Variants in FRY observed in about 807,000 individuals in gnomAD.
FRY encodes FRY microtubule binding protein.
A neutral mutation model predicts 348.4 loss-of-function variants in FRY; 128 were observed. That is an observed-to-expected ratio of 0.37 (90% CI 0.32 to 0.43). The LOEUF (loss-of-function observed/expected upper bound fraction) is 0.43. Ranked by LOEUF, FRY falls within the 20% of genes least tolerant of loss-of-function variation. FRY has a pLI of 1.00. For missense variants in FRY, 2,736 were observed against 3,695.2 expected, an observed-to-expected ratio of 0.74 and a Z score of 6.73; for synonymous variants, 1,370 against 1,374.7, an observed-to-expected ratio of 1.00 and a Z score of 0.08.
chr13:32,259,061 T>A (rs1887490048), intron 51 of FRY, among the ~76,000 whole-genome samples: 1 of 152,244 alleles, frequency 6.6e-6, no homozygotes, highest in South Asian at 2.1e-4. Flanking sequence ...GGTTTTTAAG[T>A]TTGAACTGAC....
intron 1 of FRY, among the ~76,000 whole-genome samples, chr13:32,056,540 C>A (rs898335935): frequency 3.9e-5 from 6 of 152,186 alleles, no homozygotes; most frequent in African/African-American, 1.2e-4. Context: ...GGGTTCCCTG[C>A]CCTTATTATG....
rs1441688408 is a variant in FRY at position 32,297,018 on chromosome 13, G to C, written c.*1558G>C. 6.6e-6 allele frequency: 1 copy of C among 152,162 alleles called. No individual in the cohort carries two copies. The highest frequency in any genetic ancestry group is 1.5e-5 in the Non-Finnish European group (1 of 68,030). 9.4% of individuals were successfully genotyped at this position (152,162 alleles called of 1,614,324 possible). ...TTCTGTCACCAACACCTATCCCCCAGGAACACAGGGAGAAACATGTAACAA... is the reference window on the plus strand; with the variant it reads ...TTCTGTCACCAACACCTATCCCCCACGAACACAGGGAGAAACATGTAACAA... On this transcript the variant is annotated 3_prime_UTR_variant, in exon 61 of 61. Transcript: ENST00000542859.
chr13:32,228,032 G>A (rs1201329149), intron 39 of FRY, among the ~76,000 whole-genome samples: 5 of 152,200 alleles, frequency 3.3e-5, no homozygotes, highest in African/African-American at 1.2e-4. Flanking sequence ...TTACAGGCGT[G>A]AGCCACCGCG....
intron 41 of FRY, among the ~76,000 whole-genome samples, chr13:32,231,919 G>A (rs1885939164): frequency 6.6e-6 from 1 of 152,174 alleles, no homozygotes. Context: ...CTCACACCAG[G>A]CTGGCAATAT....
intron 13 of FRY, among the ~76,000 whole-genome samples, 184 bp from the exon 14 acceptor site, chr13:32,149,564 C>T (rs1056329970): frequency 2.0e-5 from 3 of 152,036 alleles, no homozygotes; most frequent in Admixed American, 1.3e-4. Context: ...AAAACAGAAG[C>T]AGCCCTACCC....
At chr13:32,095,934 C>T (rs1490142457) in intron 2 of FRY, among the ~76,000 whole-genome samples, 1 of 151,962 alleles carries the variant, frequency 6.6e-6, no homozygotes, top group Admixed American at 6.6e-5. Flanking sequence ...ATCCTTCCTC[C>T]CCTCTTTTCT....
intron 3 of FRY, among the ~76,000 whole-genome samples, chr13:32,114,126 G>T (rs78887974): frequency 0.035 from 5,271 of 152,302 alleles, 93 homozygotes; most frequent in African/African-American, 0.049. Context: ...GGAGTCAAAC[G>T]TAAGTTTCCA....
intron 29 of FRY, among the ~76,000 whole-genome samples, chr13:32,195,854 G>A (rs1054339776): frequency 2.0e-5 from 3 of 152,150 alleles, no homozygotes; most frequent in African/African-American, 7.2e-5. Flanking sequence ...TGAAGGAAGG[G>A]CAGAGGGCAG....
chr13:32,261,073 T>C (rs1452996937), intron 51 of FRY, among the ~76,000 whole-genome samples: 1 of 152,276 alleles, frequency 6.6e-6, no homozygotes, highest in Non-Finnish European at 1.5e-5. Flanking sequence ...GCTGCTCTGA[T>C]AGTCTTTAAC....
chr13:32,151,112 T>C (rs1255334091), intron 14 of FRY, among the ~76,000 whole-genome samples: 1 of 152,218 alleles, frequency 6.6e-6, no homozygotes, highest in Non-Finnish European at 1.5e-5. Flanking sequence ...TTAGCAGTCA[T>C]GGCTTTACTG....
At chr13:32,289,588 A>T (rs1267166112) in intron 58 of FRY, 45 bp from the exon 59 acceptor site, 1 of 1,157,076 alleles carries the variant, frequency 8.6e-7, no homozygotes, top group South Asian at 1.2e-5. Flanking sequence ...TATGTGAATG[A>T]TCTTTAACAA....
chr13:32,207,747 A>G (rs1447037958), intron 31 of FRY, among the ~76,000 whole-genome samples: 2 of 152,238 alleles, frequency 1.3e-5, no homozygotes, highest in Admixed American at 1.3e-4. Context: ...TTTTAGGAAA[A>G]GGGCCAAATT....
intron 7 of FRY, among the ~76,000 whole-genome samples, chr13:32,131,293 G>A (rs1303538176): frequency 6.6e-6 from 1 of 152,132 alleles, no homozygotes; most frequent in East Asian, 1.9e-4. Context: ...GTATGTTATT[G>A]CTCATAGACT....
At chr13:32,241,931 C>T (rs940435088) in intron 46 of FRY, among the ~76,000 whole-genome samples, 2 of 152,176 alleles carry the variant, frequency 1.3e-5, no homozygotes, top group African/African-American at 2.4e-5. Context: ...TGGCTATGCA[C>T]ATACATATAA....
chr13:32,117,537 A>T, intron 4 of FRY, 64 bp downstream of exon 4: 1 of 1,557,422 alleles, frequency 6.4e-7, no homozygotes, highest in South Asian at 1.1e-5. Context: ...ACATAAATCA[A>T]AATTAGAGTT....
At chr13:32,062,975 A>G (rs1874034183) in intron 1 of FRY, among the ~76,000 whole-genome samples, 1 of 151,876 alleles carries the variant, frequency 6.6e-6, no homozygotes. Context: ...TATATTTTAT[A>G]ATAGAATGCA....
At chr13:32,043,923 A>T (rs1379802972) in intron 1 of FRY, among the ~76,000 whole-genome samples, 6 of 151,712 alleles carry the variant, frequency 4.0e-5, no homozygotes, top group Non-Finnish European at 8.8e-5. Flanking sequence ...GGCCAGGCAC[A>T]GTGGCTCACA....
chr13:32,274,627 C>CCCAG, intron 55 of FRY, among the ~76,000 whole-genome samples: 1 of 146,664 alleles, frequency 6.8e-6, no homozygotes, highest in Middle Eastern at 3.6e-3. Flanking sequence ...TGGCGTGAAC[C>CCCAG]TGGGAGGGGG....
chr13:32,286,102 G>A (rs1593852239), intron 58 of FRY, among the ~76,000 whole-genome samples: 3 of 152,304 alleles, frequency 2.0e-5, no homozygotes, highest in Admixed American at 2.0e-4. Context: ...GACCCTTGGA[G>A]GATAGGGTAG....
Sources: allele counts gnomAD v4.1 joint callset (sites outside exome capture counted in the v4.1 genomes callset), GRCh38; gene constraint gnomAD v4.1.1; transcripts MANE v1.5; gene names NCBI Gene and HGNC (gene_info 2026-07-23, HGNC 2026-07-21).